The following ADAM12 variants were observed in gnomAD, a reference collection of about 807,000 sequenced individuals.
ADAM12 encodes the protein disintegrin and metalloproteinase domain-containing protein 12.
ADAM12 carries 70 observed loss-of-function variants against 106.4 expected under a neutral mutation model. The ratio of observed to expected loss-of-function variants is 0.66; its 90% CI spans 0.54 to 0.80. The LOEUF (loss-of-function observed/expected upper bound fraction) is 0.80, where lower values mean the gene tolerates loss of function less well. ADAM12 is among the 30% of genes least tolerant of loss of function. ADAM12 has a pLI of 0.00. For missense variants in ADAM12, 1,010 were observed against 1,171.9 expected, an observed-to-expected ratio of 0.86 and a Z score of 2.02; for synonymous variants, 420 against 433.5, an observed-to-expected ratio of 0.97 and a Z score of 0.39.
chr10:126,179,013 C>T (rs1471535766), intron 3 of ADAM12, among the ~76,000 whole-genome samples: 1 of 151,750 alleles, frequency 6.6e-6, no homozygotes, highest in Non-Finnish European at 1.5e-5. Context: ...TGCCACTGCA[C>T]TCCAGCTTGG....
At chr10:126,154,750 AGGG>A (rs1233892879) in intron 4 of ADAM12, among the ~76,000 whole-genome samples, 1 of 152,170 alleles carries the variant, frequency 6.6e-6, no homozygotes, top group Non-Finnish European at 1.5e-5. Flanking sequence ...ACTGCCTGAG[AGGG>A]GATAAATGTC....
intron 11 of ADAM12, among the ~76,000 whole-genome samples, chr10:126,075,773 C>T (rs1002655757): frequency 6.6e-6 from 1 of 152,132 alleles, no homozygotes; most frequent in African/African-American, 2.4e-5. Flanking sequence ...TGCAGACACA[C>T]ACCCAGAGAG....
chr10:126,342,434 A>G (rs1398430506), intron 1 of ADAM12, among the ~76,000 whole-genome samples: 2 of 152,200 alleles, frequency 1.3e-5, no homozygotes, highest in Non-Finnish European at 2.9e-5. Context: ...AATTTGACAG[A>G]TATTTATTAG....
intron 3 of ADAM12, among the ~76,000 whole-genome samples, chr10:126,232,444 T>G (rs1284051853): frequency 6.6e-6 from 1 of 152,204 alleles, no homozygotes; most frequent in Non-Finnish European, 1.5e-5. Flanking sequence ...TTTGGACTTC[T>G]GACCTCCAGA....
At chr10:126,183,602 C>G (rs1332536036) in intron 3 of ADAM12, among the ~76,000 whole-genome samples, 2 of 152,230 alleles carry the variant, frequency 1.3e-5, no homozygotes, top group African/African-American at 4.8e-5. Flanking sequence ...ATGTCGTCCG[C>G]ACTTCTAAAA....
At chr10:126,236,978 T>C (rs563230188) in intron 3 of ADAM12, among the ~76,000 whole-genome samples, 149 of 152,290 alleles carry the variant, frequency 9.8e-4, no homozygotes, top group Non-Finnish European at 1.8e-3. Context: ...AGCCTCCTGC[T>C]TTTTATTATC....
intron 4 of ADAM12, among the ~76,000 whole-genome samples, chr10:126,152,057 T>TA (rs1297087290): frequency 2.0e-5 from 3 of 151,380 alleles, no homozygotes; most frequent in African/African-American, 4.8e-5. Context: ...TCTGCTCATT[T>TA]AAAAAATCTT....
chr10:126,327,135 C>G (rs552708773), intron 2 of ADAM12, among the ~76,000 whole-genome samples: 2 of 152,218 alleles, frequency 1.3e-5, no homozygotes, highest in Admixed American at 1.3e-4. Context: ...GTCAGAGCCC[C>G]GGAGCCATGG....
intron 2 of ADAM12, among the ~76,000 whole-genome samples, chr10:126,323,405 A>G (rs1473682312): frequency 6.6e-6 from 1 of 152,242 alleles, no homozygotes; most frequent in South Asian, 2.1e-4. Flanking sequence ...ACCACATAGC[A>G]CTAAAGTGAA....
chr10:126,264,372 T>C (rs11244921), intron 3 of ADAM12, among the ~76,000 whole-genome samples: 75,571 of 152,064 alleles, frequency 0.5, 19,000 homozygotes, highest in Non-Finnish European at 0.53. Context: ...AAATAACTCT[T>C]TCTAAATAAA....
chr10:126,349,212 C>T (rs1191269516), intron 1 of ADAM12, among the ~76,000 whole-genome samples: 1 of 152,196 alleles, frequency 6.6e-6, no homozygotes, highest in Non-Finnish European at 1.5e-5. Flanking sequence ...ATTGGATCCT[C>T]TTTATCTCCC....
chr10:126,309,215 T>C (rs1960978289), intron 2 of ADAM12, among the ~76,000 whole-genome samples: 1 of 152,212 alleles, frequency 6.6e-6, no homozygotes, highest in Non-Finnish European at 1.5e-5. Flanking sequence ...TTTGAGGACT[T>C]CTATTTACAT....
intron 5 of ADAM12, among the ~76,000 whole-genome samples, chr10:126,132,010 T>C (rs1051391322): frequency 4.0e-5 from 6 of 151,262 alleles, no homozygotes; most frequent in Admixed American, 3.9e-4. Context: ...GGAGTCTTAC[T>C]CTGTCACCAG....
intron 4 of ADAM12, among the ~76,000 whole-genome samples, chr10:126,143,960 C>T (rs1956576679): frequency 6.6e-6 from 1 of 152,146 alleles, no homozygotes; most frequent in African/African-American, 2.4e-5. Flanking sequence ...AACTGGGCTA[C>T]ATTACACTTA....
At chr10:126,267,434 G>A (rs1407093978) in intron 3 of ADAM12, among the ~76,000 whole-genome samples, 1 of 152,116 alleles carries the variant, frequency 6.6e-6, no homozygotes, top group Non-Finnish European at 1.5e-5. Flanking sequence ...AGAATCAGTG[G>A]GAACCCTGAG....
chr10:126,323,346 C>T (rs1358852475), intron 2 of ADAM12, among the ~76,000 whole-genome samples: 1 of 152,174 alleles, frequency 6.6e-6, no homozygotes, highest in African/African-American at 2.4e-5. Context: ...AGAGTAACAG[C>T]ACTGCTCTTG....
intron 21 of ADAM12, among the ~76,000 whole-genome samples, chr10:126,022,721 ACT>A (rs1953791335): frequency 6.6e-6 from 1 of 152,050 alleles, no homozygotes; most frequent in Non-Finnish European, 1.5e-5. Context: ...CTGAGAAATG[ACT>A]CTAAGCAGAT....
rs61089677 is a variant in ADAM12, at chr10:126,310,748, A to G, written c.186+19664T>C. Reference sequence around the variant, plus strand: ...TGTCTCATTATCAATGGGAAGGTACAAAAGAACTTTCTCAGTAAATAAAAG... The same window carrying G: ...TGTCTCATTATCAATGGGAAGGTACGAAAGAACTTTCTCAGTAAATAAAAG... On this transcript the variant is annotated intron_variant, in intron 2 of 22. Coordinates refer to ENST00000448723, the MANE Select transcript of ADAM12 (RefSeq NM_001288973.2). Among the ~76,000 whole-genome samples the G allele has an allele frequency of 1.8e-3, 281 of 152,332 alleles. 1 individual carries two copies. The highest frequency in any genetic ancestry group is 6.3e-3 in the African/African-American group (263 of 41,574).
At chr10:126,042,308 C>A in intron 18 of ADAM12, 2 of 1,571,534 alleles carry the variant, frequency 1.3e-6, no homozygotes, top group East Asian at 4.6e-5. Flanking sequence ...AAAACAGCAC[C>A]GCACCAGTAA....
Sources: allele counts gnomAD v4.1 joint callset (sites outside exome capture counted in the v4.1 genomes callset), GRCh38; gene constraint gnomAD v4.1.1; transcripts MANE v1.5; gene names NCBI Gene and HGNC (gene_info 2026-07-23, HGNC 2026-07-21).